TAFA2: variants seen among roughly 807,000 people sequenced by gnomAD.
TAFA2 encodes the protein TAFA chemokine like family member 2, also known as chemokine-like protein TAFA-2.
In TAFA2, 7 loss-of-function variants were observed where a neutral mutation model predicts 18.8. That is an observed-to-expected ratio of 0.37 (90% CI 0.21 to 0.70). TAFA2 has a LOEUF of 0.70. Among genes scored for constraint, TAFA2 ranks in the 30% least tolerant of loss-of-function variants. The pLI is 0.53. For missense variants in TAFA2, 122 were observed against 158.1 expected, an observed-to-expected ratio of 0.77 and a Z score of 1.23; for synonymous variants, 60 against 54.2, an observed-to-expected ratio of 1.11 and a Z score of -0.47.
chr12:62,112,657 A>G (rs1326397166), intron 1 of TAFA2, among the ~76,000 whole-genome samples: 2 of 151,784 alleles, frequency 1.3e-5, no homozygotes, highest in African/African-American at 4.8e-5. Flanking sequence ...ACAGTCCCAT[A>G]TTTCTTGGAG....
At chr12:61,994,141 T>G (rs1196829655) in intron 1 of TAFA2, among the ~76,000 whole-genome samples, 1 of 152,162 alleles carries the variant, frequency 6.6e-6, no homozygotes, top group African/African-American at 2.4e-5. Flanking sequence ...CTTGACCCAT[T>G]CAACCTTTTC....
intron 4 of TAFA2, among the ~76,000 whole-genome samples, chr12:61,728,715 A>G (rs116177659): frequency 0.019 from 2,857 of 151,982 alleles, 96 homozygotes; most frequent in African/African-American, 0.065. Flanking sequence ...AATATTTAAC[A>G]TTTAGGCCAT....
At chr12:62,074,905 T>C (rs969530996) in intron 1 of TAFA2, among the ~76,000 whole-genome samples, 2 of 152,036 alleles carry the variant, frequency 1.3e-5, no homozygotes, top group African/African-American at 2.4e-5. Context: ...TTTTGCCACG[T>C]TGCCCAGGCT....
chr12:62,088,832 C>T (rs185478992), intron 1 of TAFA2, among the ~76,000 whole-genome samples: 1 of 151,816 alleles, frequency 6.6e-6, no homozygotes, highest in African/African-American at 2.4e-5. Context: ...CTGAAAAAAA[C>T]CACAGGCTGA....
intron 1 of TAFA2, among the ~76,000 whole-genome samples, chr12:62,042,743 C>T (rs1266251473): frequency 6.6e-6 from 1 of 152,028 alleles, no homozygotes. Context: ...CTGTATTGAA[C>T]CACACATATC....
chr12:62,183,732 C>T (rs1007766009), intron 1 of TAFA2, among the ~76,000 whole-genome samples: 3 of 152,044 alleles, frequency 2.0e-5, no homozygotes, highest in African/African-American at 7.2e-5. Context: ...TAAGACAGTG[C>T]CCAATAAATA....
chr12:62,173,345 G>C (rs2062491702), intron 1 of TAFA2, among the ~76,000 whole-genome samples: 1 of 152,142 alleles, frequency 6.6e-6, no homozygotes, highest in South Asian at 2.1e-4. Flanking sequence ...CCAGGAGGCG[G>C]AGGTTGTGGT....
intron 1 of TAFA2, among the ~76,000 whole-genome samples, chr12:62,241,957 T>G (rs2062864920): frequency 6.6e-6 from 1 of 152,182 alleles, no homozygotes; most frequent in Non-Finnish European, 1.5e-5. Context: ...TCACCAGGCA[T>G]AGATGAAGAT....
intron 1 of TAFA2, among the ~76,000 whole-genome samples, chr12:62,219,373 T>C (rs981865420): frequency 2.0e-5 from 3 of 152,046 alleles, no homozygotes; most frequent in Non-Finnish European, 4.4e-5. Flanking sequence ...CTTTTGGAAA[T>C]GCAAAGCATT....
chr12:62,058,715 T>C (rs1882255271), intron 1 of TAFA2, among the ~76,000 whole-genome samples: 1 of 152,164 alleles, frequency 6.6e-6, no homozygotes, highest in South Asian at 2.1e-4. Flanking sequence ...ATTCTCGTCA[T>C]TTTGGGAAGC....
rs562695182 is a variant in TAFA2 at position 62,165,139 on chromosome 12, C to G, written c.-2+26120G>C. Among the ~76,000 whole-genome samples the G allele has an allele frequency of 5.1e-4, 77 of 152,166 alleles. 1 individual carries two copies. The highest frequency in any genetic ancestry group is 1.8e-3 in the African/African-American group (75 of 41,526). On this transcript the variant is annotated intron_variant, in intron 1 of 4. Coordinates refer to ENST00000416284, the MANE Select transcript of TAFA2 (RefSeq NM_178539.5). ...ACTTCACATATCTTCAGATAGCAAACCTTCTCAGTGGCTATTCTGATTAAT... is the reference window on the plus strand; with the variant it reads ...ACTTCACATATCTTCAGATAGCAAAGCTTCTCAGTGGCTATTCTGATTAAT...
At chr12:62,118,607 A>G (rs774082164) in intron 1 of TAFA2, among the ~76,000 whole-genome samples, 2 of 152,196 alleles carry the variant, frequency 1.3e-5, no homozygotes, top group Non-Finnish European at 2.9e-5. Flanking sequence ...CAGTGGACCT[A>G]TTTCCTCTCC....
chr12:61,812,428 A>G (rs1397245138), intron 2 of TAFA2, among the ~76,000 whole-genome samples: 1 of 151,434 alleles, frequency 6.6e-6, no homozygotes, highest in Non-Finnish European at 1.5e-5. Context: ...TCAGGGTCAG[A>G]TGGTGTCTGA....
chr12:61,765,736 T>C (rs1222007475), intron 2 of TAFA2, among the ~76,000 whole-genome samples: 1 of 152,096 alleles, frequency 6.6e-6, no homozygotes, highest in Non-Finnish European at 1.5e-5. Flanking sequence ...TGGAGAGTAA[T>C]AACATCTAAA....
chr12:62,003,554 C>T (rs1021286761), intron 1 of TAFA2, among the ~76,000 whole-genome samples: 1 of 152,186 alleles, frequency 6.6e-6, no homozygotes, highest in Non-Finnish European at 1.5e-5. Flanking sequence ...TTTAAAACTG[C>T]AACCCATCCA....
intron 1 of TAFA2, among the ~76,000 whole-genome samples, chr12:62,211,579 CAAA>C (rs10708260): frequency 7.8e-5 from 10 of 128,194 alleles, no homozygotes; most frequent in Admixed American, 1.6e-4. Context: ...GGCTCCGTCT[CAAA>C]AAAAAAAAAA....
At chr12:61,834,002 A>G (rs964358687) in intron 2 of TAFA2, among the ~76,000 whole-genome samples, 5 of 152,052 alleles carry the variant, frequency 3.3e-5, no homozygotes, top group Non-Finnish European at 2.9e-5. Flanking sequence ...GTCTCTAAAC[A>G]AAGGATAGAA....
intron 2 of TAFA2, among the ~76,000 whole-genome samples, chr12:61,820,712 C>T (rs965728571): frequency 6.6e-6 from 1 of 151,958 alleles, no homozygotes; most frequent in African/African-American, 2.4e-5. Context: ...GAAAAGAACT[C>T]TACTGGAAAA....
chr12:61,725,292 G>T (rs1213525884), intron 4 of TAFA2, among the ~76,000 whole-genome samples: 3 of 151,876 alleles, frequency 2.0e-5, no homozygotes, highest in Admixed American at 6.6e-5. Flanking sequence ...TTTCAATTAA[G>T]TCCCATCAAT....
Sources: gnomAD v4.1 joint callset for allele counts (sites outside exome capture counted in the v4.1 genomes callset) on GRCh38, gnomAD v4.1.1 for gene constraint, MANE v1.5 for transcripts, NCBI Gene and HGNC (gene_info 2026-07-23, HGNC 2026-07-21) for gene names.